Variants in LRFN5 observed in about 807,000 individuals in gnomAD.
LRFN5 encodes the protein leucine-rich repeat and fibronectin type-III domain-containing protein 5.
A neutral mutation model predicts 45.6 loss-of-function variants in LRFN5; 24 were observed. That is an observed-to-expected ratio of 0.53 (90% CI 0.38 to 0.74). The LOEUF (loss-of-function observed/expected upper bound fraction) is 0.74, where lower values mean the gene tolerates loss of function less well. LRFN5 is among the 30% of genes least tolerant of loss of function. The pLI is 0.00. For synonymous variants in LRFN5, 340 were observed against 313.8 expected (o/e 1.08, Z -0.88); for missense variants, 776 against 861.5 (o/e 0.90, Z 1.24).
intron 2 of LRFN5, among the ~76,000 whole-genome samples, chr14:41,844,453 T>TATAC (rs1888989962): frequency 6.7e-6 from 1 of 149,552 alleles, no homozygotes; most frequent in African/African-American, 2.5e-5. Context: ...AAAAAAAATA[T>TATAC]GTATATTTAT....
chr14:41,822,831 G>T (rs1236289565), intron 2 of LRFN5, among the ~76,000 whole-genome samples: 1 of 142,578 alleles, frequency 7.0e-6, no homozygotes, highest in Admixed American at 7.2e-5. Flanking sequence ...CTCTGGTATT[G>T]GTTGCATATA....
intron 2 of LRFN5, among the ~76,000 whole-genome samples, chr14:41,861,603 A>G (rs893317924): frequency 1.4e-4 from 22 of 152,120 alleles, no homozygotes; most frequent in African/African-American, 5.1e-4. Flanking sequence ...TGTGTTATTT[A>G]TCTCTGTATT....
chr14:41,647,597 A>G (rs1879878316), intron 1 of LRFN5, among the ~76,000 whole-genome samples: 1 of 152,162 alleles, frequency 6.6e-6, no homozygotes, highest in Non-Finnish European at 1.5e-5. Context: ...AGGTCATAAT[A>G]TGGATATTAA....
chr14:41,893,016 C>T (rs1420730946), intron 4 of LRFN5: 1 of 984,366 alleles, frequency 1.0e-6, no homozygotes, highest in Non-Finnish European at 1.2e-6. Context: ...TAATGGTGTT[C>T]TCATTATATT....
chr14:41,782,652 T>G (rs1023359529), intron 2 of LRFN5, among the ~76,000 whole-genome samples: 1 of 152,182 alleles, frequency 6.6e-6, no homozygotes, highest in Non-Finnish European at 1.5e-5. Flanking sequence ...GCCTTTACTT[T>G]GAGGATTTAT....
intron 1 of LRFN5, among the ~76,000 whole-genome samples, chr14:41,677,606 AAAAC>A (rs1881692598): frequency 6.6e-6 from 1 of 152,178 alleles, no homozygotes; most frequent in Non-Finnish European, 1.5e-5. Context: ...TAATATAATT[AAAAC>A]AAAAACTTCA....
Position 41,887,249 on chromosome 14 carries a change from G to C in LRFN5, c.624G>C (p.Gln208His). 6.2e-7 allele frequency: 1 copy of C among 1,614,182 alleles called. No individual in the cohort carries two copies. Among genetic ancestry groups the C allele is most frequent in the Non-Finnish European group, 8.5e-7 (1 of 1,180,036 alleles). ...TAGATGTGACATCAAATAAATTGCA[G>C]AAGCTACCACCTGACCCTCTCTTTC... The part of the protein sequence containing the change: ...TRLDVTSNKL[Q>H]KLPPDPLFQR... The change falls in exon 3 of 6, where the codon CAG becomes CAC. Residue 208 changes from glutamine to histidine, a missense_variant. By Grantham distance (24) the Gln-to-His change is conservative. Around this residue, in one of 2 missense-constraint regions of LRFN5, gnomAD observed 311 missense variants for 405.1 expected, o/e 0.77. Coordinates refer to ENST00000298119, the MANE Select transcript of LRFN5 (RefSeq NM_152447.5). The surrounding 1 kb of genome is among the most constrained non-coding windows in gnomAD (Gnocchi z 4.8).
At chr14:41,674,929 C>T (rs1240126850) in intron 1 of LRFN5, among the ~76,000 whole-genome samples, 2 of 134,080 alleles carry the variant, frequency 1.5e-5, no homozygotes, top group South Asian at 5.0e-4. Context: ...CAGACGGGGT[C>T]GCGGCCGGGT....
At chr14:41,821,264 T>A (rs1354585287) in intron 2 of LRFN5, among the ~76,000 whole-genome samples, 1 of 152,054 alleles carries the variant, frequency 6.6e-6, no homozygotes, top group Non-Finnish European at 1.5e-5. Flanking sequence ...TGGCTCTTAT[T>A]ATTCTGAAGT....
chr14:41,764,906 TAAC>T (rs1885816895), intron 1 of LRFN5, among the ~76,000 whole-genome samples: 1 of 152,030 alleles, frequency 6.6e-6, no homozygotes, highest in Non-Finnish European at 1.5e-5. Context: ...ATTATTTTTA[TAAC>T]AACAAAATCC....
At chr14:41,859,114 C>T (rs1889574518) in intron 2 of LRFN5, among the ~76,000 whole-genome samples, 1 of 152,064 alleles carries the variant, frequency 6.6e-6, no homozygotes, top group South Asian at 2.1e-4. Flanking sequence ...TTATTCTCAC[C>T]AGGGCCAACT....
intron 2 of LRFN5, among the ~76,000 whole-genome samples, chr14:41,834,451 G>A (rs1315284983): frequency 6.6e-6 from 1 of 152,030 alleles, no homozygotes; most frequent in Non-Finnish European, 1.5e-5. Flanking sequence ...TACACTTAGG[G>A]CATTTAATCC....
At chr14:41,756,031 G>A (rs1279548856) in intron 1 of LRFN5, among the ~76,000 whole-genome samples, 1 of 152,116 alleles carries the variant, frequency 6.6e-6, no homozygotes, top group East Asian at 1.9e-4. Context: ...ATGAAGCTTA[G>A]TTTGGCTGGA....
At chr14:41,634,353 T>C (rs902670708) in intron 1 of LRFN5, among the ~76,000 whole-genome samples, 2 of 152,274 alleles carry the variant, frequency 1.3e-5, no homozygotes, top group African/African-American at 4.8e-5. Flanking sequence ...AGGAAGTTCT[T>C]CTAGTGATGG....
intron 1 of LRFN5, among the ~76,000 whole-genome samples, chr14:41,734,316 T>TTATA (rs60855395): frequency 0.057 from 2,219 of 38,774 alleles, 367 homozygotes; most frequent in Non-Finnish European, 0.11. Flanking sequence ...TGGACTGGTT[T>TTATA]TATATATATA....
At chr14:41,892,283 C>T in intron 4 of LRFN5, 1 of 977,854 alleles carries the variant, frequency 1.0e-6, no homozygotes, top group Non-Finnish European at 1.2e-6. Context: ...TCAACCTTCT[C>T]AGGTACAGTA....
chr14:41,675,813 ATAATT>A (rs1881604697), intron 1 of LRFN5, among the ~76,000 whole-genome samples: 1 of 152,214 alleles, frequency 6.6e-6, no homozygotes, highest in Non-Finnish European at 1.5e-5. Context: ...CAGCAAAACA[ATAATT>A]TAACCAGTGA....
At chr14:41,725,540 T>C (rs1883895057) in intron 1 of LRFN5, among the ~76,000 whole-genome samples, 1 of 143,616 alleles carries the variant, frequency 7.0e-6, no homozygotes, top group East Asian at 2.0e-4. Context: ...GAAGTCATTC[T>C]TAATTCCATA....
intron 2 of LRFN5, among the ~76,000 whole-genome samples, chr14:41,815,056 T>C (rs1327803286): frequency 1.3e-5 from 2 of 152,172 alleles, no homozygotes; most frequent in African/African-American, 2.4e-5. Context: ...TTATATCCAG[T>C]TGATTAATAG....
Sources: allele counts gnomAD v4.1 joint callset (sites outside exome capture counted in the v4.1 genomes callset), GRCh38; gene constraint gnomAD v4.1.1; regional missense constraint gnomAD v4.1.1; non-coding constraint Gnocchi (gnomAD v3.1); transcripts MANE v1.5; gene names NCBI Gene and HGNC (gene_info 2026-07-23, HGNC 2026-07-21).